Variants in GRIN3A observed in about 807,000 individuals in gnomAD.
GRIN3A encodes the protein glutamate receptor ionotropic, NMDA 3A.
Under a neutral mutation model 92.4 loss-of-function variants are expected in GRIN3A, and 47 were observed. The ratio of observed to expected loss-of-function variants is 0.51; its 90% CI spans 0.40 to 0.65. The LOEUF (loss-of-function observed/expected upper bound fraction) is 0.65. GRIN3A is among the 30% of genes least tolerant of loss of function. The pLI is 0.00. For synonymous variants in GRIN3A, 527 were observed against 540.6 expected (o/e 0.97, Z 0.35); for missense variants, 1,324 against 1,393.1 (o/e 0.95, Z 0.79).
intron 1 of GRIN3A, among the ~76,000 whole-genome samples, chr9:101,725,991 T>C (rs1440812870): frequency 6.6e-6 from 1 of 152,198 alleles, no homozygotes; most frequent in Non-Finnish European, 1.5e-5. Context: ...ATTTATTTGT[T>C]TGCATGTCTT....
At chr9:101,596,802 G>A (rs1828139302) in intron 6 of GRIN3A, among the ~76,000 whole-genome samples, 1 of 152,198 alleles carries the variant, frequency 6.6e-6, no homozygotes, top group African/African-American at 2.4e-5. Context: ...ATCTAAAGAA[G>A]AGCTGAATGA....
At chr9:101,578,860 A>G (rs1294782926) in intron 7 of GRIN3A, among the ~76,000 whole-genome samples, 2 of 152,188 alleles carry the variant, frequency 1.3e-5, no homozygotes, top group Admixed American at 1.3e-4. Flanking sequence ...ATAGGTTTCA[A>G]TTTTGGCAAG....
intron 3 of GRIN3A, among the ~76,000 whole-genome samples, chr9:101,658,827 G>C (rs1375060976): frequency 1.3e-5 from 2 of 151,240 alleles, no homozygotes; most frequent in Admixed American, 6.6e-5. Context: ...ATTCAGTTGT[G>C]ATTGAGAAAA....
chr9:101,722,899 ATGAGT>A (rs1830031474), intron 1 of GRIN3A, among the ~76,000 whole-genome samples: 1 of 152,228 alleles, frequency 6.6e-6, no homozygotes, highest in South Asian at 2.1e-4. Flanking sequence ...TAATGCTGAA[ATGAGT>A]TAAGACTTTG....
chr9:101,656,956 A>C (rs1414940912), intron 3 of GRIN3A, among the ~76,000 whole-genome samples: 2 of 151,882 alleles, frequency 1.3e-5, no homozygotes, highest in Non-Finnish European at 2.9e-5. Flanking sequence ...CCTGAAATTC[A>C]TCAAACCGCC....
At chr9:101,586,559 T>G (rs1827953172) in intron 6 of GRIN3A, among the ~76,000 whole-genome samples, 1 of 152,232 alleles carries the variant, frequency 6.6e-6, no homozygotes, top group African/African-American at 2.4e-5. Flanking sequence ...TAGCCTGACC[T>G]GATCATGCTA....
chr9:101,579,463 T>C, intron 6 of GRIN3A, 103 bp from the exon 7 acceptor site: 2 of 1,106,198 alleles, frequency 1.8e-6, no homozygotes, highest in Admixed American at 1.9e-5. Flanking sequence ...TTTTCTGGAC[T>C]CAAGGACAGC....
At chr9:101,736,295 G>T (rs558180536) in intron 1 of GRIN3A, among the ~76,000 whole-genome samples, 5 of 152,266 alleles carry the variant, frequency 3.3e-5, no homozygotes, top group Admixed American at 1.3e-4. Context: ...TAGATACTTT[G>T]TGCAAGGCTT....
At chr9:101,683,847 TGAGAGAGAGAGAGA>T (rs55960998) in intron 2 of GRIN3A, among the ~76,000 whole-genome samples, 13 of 136,222 alleles carry the variant, frequency 9.5e-5, no homozygotes, top group Admixed American at 7.2e-5. Flanking sequence ...AGAGAGACAG[TGAGAGAGAGAGAGA>T]GAGAGAGAGA....
At chr9:101,715,200 T>TTA (rs1829928966) in intron 1 of GRIN3A, among the ~76,000 whole-genome samples, 1 of 127,692 alleles carries the variant, frequency 7.8e-6, no homozygotes, top group African/African-American at 3.0e-5. Context: ...ACAAAAATGG[T>TTA]AAAAAAAAAA....
At chr9:101,666,381 C>T (rs943786761) in intron 3 of GRIN3A, among the ~76,000 whole-genome samples, 83 of 152,092 alleles carry the variant, frequency 5.5e-4, no homozygotes, top group Middle Eastern at 3.4e-3. Flanking sequence ...TCTTAGCAAA[C>T]TAACACAGGA....
chr9:101,737,903 G>T lies in GRIN3A; in HGVS notation c.77C>A (p.Ala26Asp). 5 of 1,535,086 alleles carry T rather than the reference G, an allele frequency of 3.3e-6. No individual in the cohort carries two copies. The highest frequency in any genetic ancestry group is 4.4e-6 in the Non-Finnish European group (5 of 1,146,964). Residue 26 changes from alanine (A) to aspartate (D), a missense_variant, in exon 1 of 9, where the codon GCC (alanine) becomes GAC (aspartate). Transcript: ENST00000361820. The part of the protein sequence containing the change: ...LLPPPCALVL[A>D]GVPSSSSHPQ... ...GTGCGAGGAGGAGCTGGGCACCCCG[G>T]CCAGCACCAGTGCGCAGGGCGGCGG...
At chr9:101,659,690 G>C (rs190320417) in intron 3 of GRIN3A, among the ~76,000 whole-genome samples, 241 of 151,662 alleles carry the variant, frequency 1.6e-3, no homozygotes, top group African/African-American at 5.3e-3. Flanking sequence ...TAAGAGAAAG[G>C]TTGGCAAAAA....
chr9:101,649,947 T>C (rs924176907), intron 3 of GRIN3A, among the ~76,000 whole-genome samples: 2 of 151,888 alleles, frequency 1.3e-5, no homozygotes, highest in Non-Finnish European at 2.9e-5. Context: ...CCACCTGGAG[T>C]GAGTTGGATT....
At chr9:101,649,828 G>A (rs1265571770) in intron 3 of GRIN3A, among the ~76,000 whole-genome samples, 1 of 151,930 alleles carries the variant, frequency 6.6e-6, no homozygotes, top group African/African-American at 2.4e-5. Flanking sequence ...GTCTTTTATT[G>A]ACTGCAGTCT....
At chr9:101,699,345 A>C (rs866507298) in intron 1 of GRIN3A, among the ~76,000 whole-genome samples, 46 of 152,270 alleles carry the variant, frequency 3.0e-4, no homozygotes, top group African/African-American at 1.1e-3. Context: ...TACCTCCTGA[A>C]GGACCTGCCT....
At chr9:101,606,906 ATTTT>A (rs536780165) in intron 6 of GRIN3A, among the ~76,000 whole-genome samples, 48 of 86,208 alleles carry the variant, frequency 5.6e-4, no homozygotes, top group South Asian at 1.4e-3. Flanking sequence ...AAAAAATTAC[ATTTT>A]TTTTTTTTTT....
At chr9:101,577,055 C>G (rs1827835384) in intron 8 of GRIN3A, among the ~76,000 whole-genome samples, 1 of 152,164 alleles carries the variant, frequency 6.6e-6, no homozygotes, top group Non-Finnish European at 1.5e-5. Flanking sequence ...AAATAGGGAA[C>G]AGTCATCCAC....
intron 6 of GRIN3A, chr9:101,594,871 A>G (rs1180783879): frequency 1.9e-6 from 3 of 1,602,612 alleles, no homozygotes; most frequent in East Asian, 4.5e-5. Flanking sequence ...TAATTTCATC[A>G]TTGTCAAAGT....
Sources: allele counts gnomAD v4.1 joint callset (sites outside exome capture counted in the v4.1 genomes callset), GRCh38; gene constraint gnomAD v4.1.1; transcripts MANE v1.5; gene names NCBI Gene and HGNC (gene_info 2026-07-23, HGNC 2026-07-21).